The following CA3 variants were observed in gnomAD, a reference collection of about 807,000 sequenced individuals.
The protein encoded by CA3 is carbonic anhydrase 3, also known as CA-III.
CA3 carries 30 observed loss-of-function variants against 35.7 expected under a neutral mutation model. The observed-to-expected ratio is 0.84, with a 90% CI of 0.63 to 1.14. The LOEUF (loss-of-function observed/expected upper bound fraction) is 1.14. CA3 is among the 50% of genes most tolerant of loss of function. The pLI, the probability that CA3 is intolerant of heterozygous loss-of-function variation, is 0.00. For synonymous variants in CA3, 131 were observed against 130.8 expected, an observed-to-expected ratio of 1.00 and a Z score of -0.01; for missense variants, 295 against 328.5, an observed-to-expected ratio of 0.90 and a Z score of 0.79.
In CA3 at chr8:85,442,183, G is replaced by T; in HGVS notation, c.343G>T (p.Ala115Ser). Residue 115 changes from alanine to serine, a missense_variant, in exon 3 of 7, where the codon GCA (alanine) becomes TCA (serine). Transcript: ENST00000285381. ...GCACACCGTGGATGGAGTCAAGTAT[G>T]CAGCGGAGGTAAGAGGAACTGCCAT... ...SEHTVDGVKYAAELHLVHWNP... is the reference protein window; with the variant it reads ...SEHTVDGVKYSAELHLVHWNP... 1.3e-6 allele frequency: 2 copies of T among 1,550,624 alleles called. No individual in the cohort carries two copies. Among genetic ancestry groups the T allele is most frequent in the Non-Finnish European group, 1.8e-6 (2 of 1,121,894 alleles).
At chr8:85,444,929 G>A (rs1811261308) in intron 4 of CA3, among the ~76,000 whole-genome samples, 1 of 152,168 alleles carries the variant, frequency 6.6e-6, no homozygotes, top group Non-Finnish European at 1.5e-5. Context: ...AGATGAACGT[G>A]TAATTTTGTG....
In CA3 at chr8:85,440,712, A is replaced by C. The variant is rs562279418; in HGVS notation, c.232+803A>C. ...ATTCCTTATAGCCCCATCTCTAATAAAGTTATATTTATTGATATACATAAA... is the reference window on the plus strand; with the variant it reads ...ATTCCTTATAGCCCCATCTCTAATACAGTTATATTTATTGATATACATAAA... On this transcript the variant is annotated intron_variant, in intron 2 of 6. Coordinates refer to ENST00000285381, the MANE Select transcript of CA3 (RefSeq NM_005181.4). Among the ~76,000 whole-genome samples the C allele has an allele frequency of 3.3e-5, 5 of 152,298 alleles. No individual in the cohort carries two copies. The South Asian group carries it at 1.0e-3, about 32-fold the overall frequency.
At position 85,439,876 on chromosome 8, in the gene CA3, C is replaced by A. The variant is rs746057618; in HGVS notation, c.199C>A (p.Arg67=). 4 of 1,613,274 alleles carry A rather than the reference C, an allele frequency of 2.5e-6. No homozygotes were observed. The highest frequency in any genetic ancestry group is 3.4e-6 in the Non-Finnish European group (4 of 1,179,890). Reference sequence around the variant, plus strand: ...CATCCTGAATAATGGGAAGACCTGCCGAGTTGTATTTGATGATACTTATGA... The same window carrying A: ...CATCCTGAATAATGGGAAGACCTGCAGAGTTGTATTTGATGATACTTATGA... ...KTILNNGKTC[R]VVFDDTYDRS... Residue 67 remains arginine, a synonymous_variant, in exon 2 of 7, where the codon CGA becomes AGA. Transcript: ENST00000285381.
rs1811166793 is a variant in CA3 at position 85,438,893 on chromosome 8, C to G, written c.-17C>G. The G allele has an allele frequency of 1.3e-6, 2 of 1,550,992 alleles. No individual in the cohort carries two copies. Among genetic ancestry groups the G allele is most frequent in the African/African-American group, 2.7e-5 (2 of 73,164 alleles). On this transcript the variant is annotated 5_prime_UTR_variant, in exon 1 of 7. Coordinates refer to ENST00000285381, the MANE Select transcript of CA3 (RefSeq NM_005181.4). ...GGAAGAGAAAGCAGGAGCCGTCCAG[C>G]ACGGAGGAAGGCGACCATGGCCAAG... is the stretch of plus-strand genomic sequence containing the variant.
rs1428279433 is a variant in CA3, at chr8:85,438,863, G to A, written c.-47G>A. ...CGGGCTCGCGGCGACTCTGCACCAC[G>A]CAGGGGAAGAGAAAGCAGGAGCCGT... On this transcript the variant is annotated 5_prime_UTR_variant, in exon 1 of 7. Coordinates refer to ENST00000285381, the MANE Select transcript of CA3 (RefSeq NM_005181.4). 14 of 1,549,000 alleles carry A rather than the reference G, an allele frequency of 9.0e-6. No individual in the cohort carries two copies. The East Asian group carries it at 3.2e-4, about 35-fold the overall frequency.
chr8:85,444,565 C>T (rs1047458157), intron 4 of CA3, among the ~76,000 whole-genome samples: 7 of 152,280 alleles, frequency 4.6e-5, no homozygotes, highest in African/African-American at 1.7e-4. Context: ...TTGAGGTGGT[C>T]ACCACTCACG....
intron 1 of CA3, among the ~76,000 whole-genome samples, chr8:85,439,254 C>T (rs1237822878): frequency 6.6e-6 from 1 of 152,108 alleles, no homozygotes; most frequent in Non-Finnish European, 1.5e-5. Flanking sequence ...GTGACTGGCC[C>T]TTATTCTGTT....
At chr8:85,443,214 C>A (rs528598795) in intron 3 of CA3, among the ~76,000 whole-genome samples, 2 of 152,274 alleles carry the variant, frequency 1.3e-5, no homozygotes, top group South Asian at 4.1e-4. Context: ...TAAAGAAAAA[C>A]ATGAATTTTA....
At chr8:85,446,358 C>G in intron 6 of CA3, 61 bp downstream of exon 6, 1 of 1,547,362 alleles carries the variant, frequency 6.5e-7, no homozygotes, top group Non-Finnish European at 8.8e-7. Context: ...GATACAGATG[C>G]TAAATCAAAA....
In CA3 at chr8:85,438,989, A is replaced by G. The variant is rs756820171; in HGVS notation, c.34+46A>G. On this transcript the variant is annotated intron_variant, in intron 1 of 6. Transcript: ENST00000285381. ...CCCGGCCAGGAAGGGATGCCAGTCC[A>G]GGAGAGCCCTGCCATTGCACAGAAA... is the stretch of plus-strand genomic sequence containing the variant. 23 of 1,546,400 alleles carry G rather than the reference A, an allele frequency of 1.5e-5. No homozygotes were observed. The East Asian group carries it at 5.4e-4, about 36-fold the overall frequency.
chr8:85,440,045 T>C (rs533083527), intron 2 of CA3, 136 bp downstream of exon 2: 13 of 650,670 alleles, frequency 2.0e-5, no homozygotes, highest in African/African-American at 1.6e-4. Flanking sequence ...ACATTTGACT[T>C]TGCTTTAGTC....
chr8:85,448,194 A>G lies in CA3; in HGVS notation c.*41A>G, dbSNP rs1811320146. On this transcript the variant is annotated 3_prime_UTR_variant, in exon 7 of 7. Coordinates refer to ENST00000285381, the MANE Select transcript of CA3 (RefSeq NM_005181.4). ...CCCTCTTCAGGAAAGGAAACCTACCATTGGAGAGCTTGGTTCCTTGCCTCC... is the reference window on the plus strand; with the variant it reads ...CCCTCTTCAGGAAAGGAAACCTACCGTTGGAGAGCTTGGTTCCTTGCCTCC... 1.3e-6 allele frequency: 2 copies of G among 1,589,042 alleles called. No homozygotes were observed. Among genetic ancestry groups the G allele is most frequent in the African/African-American group, 2.8e-5 (2 of 72,492 alleles).
At chr8:85,447,985 T>C (rs756979517) in intron 6 of CA3, 49 bp from the exon 7 acceptor site, 2 of 1,577,794 alleles carry the variant, frequency 1.3e-6, no homozygotes, top group South Asian at 2.3e-5. Context: ...ACGTAGTGTG[T>C]CCAGTTGATC....
At chr8:85,441,015 T>G (rs577698220) in intron 2 of CA3, among the ~76,000 whole-genome samples, 3 of 152,208 alleles carry the variant, frequency 2.0e-5, no homozygotes, top group Non-Finnish European at 4.4e-5. Flanking sequence ...TAAATTGGAC[T>G]CACATGTCCC....
rs569797933 is a variant in CA3 at position 85,448,311 on chromosome 8, G to A, written c.*158G>A. On this transcript the variant is annotated 3_prime_UTR_variant, in exon 7 of 7. Coordinates refer to ENST00000285381, the MANE Select transcript of CA3 (RefSeq NM_005181.4). ...GTCACCAAGATCTAAGTTACTTGTT[G>A]AAAGAAAGTTACTTTCGACAAGATC... 443 of 620,106 alleles carry A rather than the reference G, an allele frequency of 7.1e-4. 1 individual carries two copies. In the African/African-American group the frequency reaches 8.0e-3, roughly 11 times the overall value. 38.4% of individuals were successfully genotyped at this position (620,106 alleles called of 1,614,324 possible). A position where few individuals can be genotyped will look rare whatever the true frequency, so the allele number is the denominator to read the frequency against.
chr8:85,442,005 C>G, intron 2 of CA3, 68 bp from the exon 3 acceptor site: 1 of 868,182 alleles, frequency 1.2e-6, no homozygotes, highest in South Asian at 1.3e-5. Flanking sequence ...TCTAAGAGCA[C>G]TTGGTTAAAG....
chr8:85,442,106 G>A lies in CA3; in HGVS notation c.266G>A (p.Arg89Gln), dbSNP rs1236720202. ...LRGGPLPGPYRLRQFHLHWGS... is the reference protein window; with the variant it reads ...LRGGPLPGPYQLRQFHLHWGS... ...GGGGGTCCTCTCCCTGGACCCTACC[G>A]ACTTCGCCAGTTTCATCTTCACTGG... The change falls in exon 3 of 7, where the codon CGA (arginine) becomes CAA (glutamine). Residue 89 changes from arginine (R) to glutamine (Q), a missense_variant. Arg to Gln is a conservative substitution (Grantham distance 43, BLOSUM62 1). Transcript: ENST00000285381. 6 of 1,605,518 alleles carry A rather than the reference G, an allele frequency of 3.7e-6. No homozygotes were observed. The highest frequency in any genetic ancestry group is 4.3e-6 in the Non-Finnish European group (5 of 1,172,208).
At position 85,448,048 on chromosome 8, in the gene CA3, G is replaced by C; in HGVS notation, c.678G>C (p.Arg226=). ...GCCCTTTGCAGATGGCCAAGCTGCG[G>C]AGCCTCCTCTCCAGTGCTGAGAACG... is the stretch of plus-strand genomic sequence containing the variant. The part of the protein sequence containing the change: ...TVSSDQMAKL[R]SLLSSAENEP... The change falls in exon 7 of 7, where the codon CGG becomes CGC. Residue 226 remains arginine (R), a synonymous_variant. Coordinates refer to ENST00000285381, the MANE Select transcript of CA3 (RefSeq NM_005181.4). 6.2e-7 allele frequency: 1 copy of C among 1,611,636 alleles called. No homozygotes were observed.
rs1414957718 is a variant in CA3, at chr8:85,444,142, A to G, written c.444+16A>G. The G allele has an allele frequency of 9.7e-6, 15 of 1,540,624 alleles. No individual in the cohort carries two copies. The East Asian group carries it at 1.8e-4, about 18-fold the overall frequency. On this transcript the variant is annotated intron_variant, in intron 4 of 6. Transcript: ENST00000285381. The stretch of plus-strand genomic sequence containing the variant: ...TTTTCTGAAGGTAAAGTAAAAATTG[A>G]CTATATATTTTCTTCCAAAATGTAT...
Sources: gnomAD v4.1 joint callset for allele counts (sites outside exome capture counted in the v4.1 genomes callset) on GRCh38, gnomAD v4.1.1 for gene constraint, MANE v1.5 for transcripts, NCBI Gene and HGNC (gene_info 2026-07-23, HGNC 2026-07-21) for gene names.